SNX25: variants seen among roughly 807,000 people sequenced by gnomAD.
The protein encoded by SNX25 is sorting nexin 25, also known as sorting nexin-25.
In SNX25, 62 loss-of-function variants were observed where a neutral mutation model predicts 113.7. That is an observed-to-expected ratio of 0.55 (90% confidence interval 0.44 to 0.67). SNX25 has a LOEUF of 0.67. Among genes scored for constraint, SNX25 ranks in the 30% least tolerant of loss-of-function variants. The pLI is 0.00. For missense variants in SNX25, 1,014 were observed against 1,161.0 expected (o/e 0.87, Z 1.84); for synonymous variants, 421 against 436.2 (o/e 0.97, Z 0.43).
intron 14 of SNX25, 95 bp downstream of exon 14, chr4:185,351,704 A>G (rs1434797648): frequency 8.4e-6 from 11 of 1,314,422 alleles, no homozygotes; most frequent in East Asian, 2.3e-5. Context: ...CTCTATTTTC[A>G]GTCATTAGCA....
intron 1 of SNX25, among the ~76,000 whole-genome samples, chr4:185,220,727 A>T (rs371145006): frequency 6.6e-6 from 1 of 151,906 alleles, no homozygotes; most frequent in Non-Finnish European, 1.5e-5. Flanking sequence ...TGATCCGCCC[A>T]CCTCGGCCTC....
intron 3 of SNX25, 80 bp downstream of exon 3, chr4:185,259,144 T>A: frequency 8.3e-7 from 1 of 1,208,396 alleles, no homozygotes; most frequent in Non-Finnish European, 1.2e-6. Flanking sequence ...AAGATAAAAC[T>A]CTAGAATATT....
intron 1 of SNX25, among the ~76,000 whole-genome samples, chr4:185,222,519 C>T (rs72708003): frequency 0.073 from 11,084 of 152,110 alleles, 534 homozygotes; most frequent in African/African-American, 0.13. Context: ...CCCTCCCTCG[C>T]GGTAGGTATA....
At chr4:185,327,153 T>C (rs183636158) in intron 9 of SNX25, among the ~76,000 whole-genome samples, 1 of 152,302 alleles carries the variant, frequency 6.6e-6, no homozygotes, top group Admixed American at 6.5e-5. Flanking sequence ...CATGTTACAC[T>C]GTTAACTTTT....
rs1443301367 is a variant in SNX25 at position 185,210,369 on chromosome 4, C to T, written c.429+114C>T. The T allele has an allele frequency of 4.1e-6, 4 of 983,394 alleles. No individual in the cohort carries two copies. The highest frequency in any genetic ancestry group is 4.8e-6 in the Non-Finnish European group (4 of 828,668). The allele number at this position is 983,394 out of a possible 1,614,324, so 60.9% of individuals were successfully genotyped here. A position where few individuals can be genotyped will look rare whatever the true frequency, so the allele number is the denominator to read the frequency against. ...GCATGCCCTTGTCGAAGCGGGAAGC[C>T]GGGAGCCAGGGGGCTGGGCTGCGGG... On this transcript the variant is annotated intron_variant, in intron 1 of 18. Coordinates refer to ENST00000652585, the MANE Select transcript of SNX25 (RefSeq NM_001378034.2). The surrounding 1 kb of genome is among the most constrained non-coding windows in gnomAD (Gnocchi z 4.4).
At chr4:185,320,315 T>C (rs537631913) in intron 7 of SNX25, among the ~76,000 whole-genome samples, 1 of 152,328 alleles carries the variant, frequency 6.6e-6, no homozygotes, top group Admixed American at 6.5e-5. Flanking sequence ...AATGAGATCA[T>C]GTCCTTTGCA....
chr4:185,314,142 A>G (rs1290996416), intron 7 of SNX25, among the ~76,000 whole-genome samples: 2 of 152,028 alleles, frequency 1.3e-5, no homozygotes, highest in African/African-American at 4.8e-5. Flanking sequence ...GTACTTTTTA[A>G]TGCTTATAGC....
chr4:185,378,395 G>A, the SNX25 span: 1 of 1,375,202 alleles, frequency 7.3e-7, no homozygotes, highest in Non-Finnish European at 9.4e-7. Context: ...CTCCCTAGCT[G>A]AGAGACAGCC....
downstream of SNX25, chr4:185,367,222 C>T: frequency 6.2e-7 from 1 of 1,611,506 alleles, no homozygotes; most frequent in Non-Finnish European, 8.5e-7. Flanking sequence ...GTTCATCTGC[C>T]AATGCGGGAT....
At chr4:185,358,507 TAGAA>T (rs1292588563) in intron 16 of SNX25, among the ~76,000 whole-genome samples, 1 of 152,222 alleles carries the variant, frequency 6.6e-6, no homozygotes, top group Non-Finnish European at 1.5e-5. Context: ...ATGTAGCCAA[TAGAA>T]GTTGAATAGA....
At chr4:185,344,861 A>C (rs1398429184) in intron 12 of SNX25, among the ~76,000 whole-genome samples, 1 of 152,218 alleles carries the variant, frequency 6.6e-6, no homozygotes, top group Non-Finnish European at 1.5e-5. Flanking sequence ...AATGTCATGC[A>C]TGCTACATTT....
At chr4:185,369,880 C>T (rs2095409202) in exon 12 of SNX25, 4 of 369,124 alleles carry the variant, frequency 1.1e-5, no homozygotes, top group Non-Finnish European at 2.1e-5. Flanking sequence ...GGAACCACTG[C>T]TGTAATATCA....
At chr4:185,298,388 C>CTATA (rs1753152000) in intron 6 of SNX25, among the ~76,000 whole-genome samples, 1 of 152,086 alleles carries the variant, frequency 6.6e-6, no homozygotes, top group African/African-American at 2.4e-5. Flanking sequence ...CACACCTGAC[C>CTATA]TATAGTAACT....
chr4:185,233,082 G>A (rs1173522692), intron 1 of SNX25, among the ~76,000 whole-genome samples: 8 of 151,960 alleles, frequency 5.3e-5, no homozygotes, highest in African/African-American at 1.9e-4. Context: ...TCAGGAGTTC[G>A]AGACCTGCCT....
At position 185,341,980 on chromosome 4, in the gene SNX25, C is replaced by T. The variant is rs1455342892; in HGVS notation, c.2051C>T (p.Thr684Ile). The T allele has an allele frequency of 1.3e-6, 2 of 1,588,462 alleles. No individual in the cohort carries two copies. The change falls in exon 12 of 19, where the codon ACA becomes ATA. Residue 684 changes from threonine (T) to isoleucine (I), a missense_variant. Transcript: ENST00000652585. ...WKASITSGEVTEENGEQLPCY... is the reference protein window; with the variant it reads ...WKASITSGEVIEENGEQLPCY... ...GATTTTGATGTTTTCCCCAAGGTTA[C>T]AGAAGAGAATGGTGAGCAATTGCCA... is the stretch of plus-strand genomic sequence containing the variant.
intron 2 of SNX25, among the ~76,000 whole-genome samples, chr4:185,256,643 T>C (rs1199512378): frequency 6.8e-6 from 1 of 148,066 alleles, no homozygotes; most frequent in East Asian, 2.0e-4. Context: ...TTTTTTTTTT[T>C]GAGTCAGGGT....
intron 2 of SNX25, among the ~76,000 whole-genome samples, chr4:185,258,585 A>G (rs1746784614): frequency 6.6e-6 from 1 of 152,196 alleles, no homozygotes; most frequent in African/African-American, 2.4e-5. Flanking sequence ...TAATAAATTT[A>G]GGTAGTTTGG....
In SNX25 at chr4:185,280,710, T is replaced by C. The variant is rs181360095; in HGVS notation, c.1092-7302T>C. Among the ~76,000 whole-genome samples the C allele has an allele frequency of 1.5e-3, 231 of 152,346 alleles. 1 individual carries two copies. The highest frequency in any genetic ancestry group is 4.9e-3 in the African/African-American group (203 of 41,582). Reference sequence around the variant, plus strand: ...GTAAAATGTCATAATGATACCCTTCTTTGTGCTTTCGTGTTCACTGAGAAA... The same window carrying C: ...GTAAAATGTCATAATGATACCCTTCCTTGTGCTTTCGTGTTCACTGAGAAA... On this transcript the variant is annotated intron_variant, in intron 5 of 18. Transcript: ENST00000652585.
chr4:185,252,637 CAT>C (rs1192525435), intron 2 of SNX25, among the ~76,000 whole-genome samples: 7 of 152,062 alleles, frequency 4.6e-5, no homozygotes. Flanking sequence ...CCACATAAGG[CAT>C]GTGTGTGTGT....
Sources: allele counts gnomAD v4.1 joint callset (sites outside exome capture counted in the v4.1 genomes callset), GRCh38; gene constraint gnomAD v4.1.1; non-coding constraint Gnocchi (gnomAD v3.1); transcripts MANE v1.5; gene names NCBI Gene and HGNC (gene_info 2026-07-23, HGNC 2026-07-21).